PRH1: variants seen among roughly 807,000 people sequenced by gnomAD.
The protein encoded by PRH1 is salivary acidic proline-rich phosphoprotein 1/2.
PRH1 carries 7 observed loss-of-function variants against 7.9 expected under a neutral mutation model. The ratio of observed to expected loss-of-function variants is 0.89; its 90% CI spans 0.50 to 1.67. The LOEUF is 1.67. Ranked by LOEUF, PRH1 falls within the 40% of genes most tolerant of loss-of-function variation. PRH1 has a pLI of 0.00. For missense variants in PRH1, 109 were observed against 223.6 expected, an observed-to-expected ratio of 0.49 and a Z score of 3.27; for synonymous variants, 45 against 80.8, an observed-to-expected ratio of 0.56 and a Z score of 2.38.
chr12:11,064,008 C>T (rs1387250804), intron 1 of PRH1, among the ~76,000 whole-genome samples: 1 of 151,886 alleles, frequency 6.6e-6, no homozygotes. Context: ...TGAACCAAAA[C>T]AAAAATGGGA....
intron 1 of PRH1, among the ~76,000 whole-genome samples, chr12:11,083,786 A>G (rs954539011): frequency 1.4e-5 from 2 of 147,838 alleles, no homozygotes; most frequent in Admixed American, 6.8e-5. Context: ...CAATTTATTA[A>G]AAATATATTT....
chr12:11,001,300 T>A (rs555987016), intron 1 of PRH1, among the ~76,000 whole-genome samples: 1 of 152,284 alleles, frequency 6.6e-6, no homozygotes, highest in South Asian at 2.1e-4. Context: ...GCTACACCAT[T>A]CTATTTTACA....
At chr12:11,028,905 T>C (rs1942044631) in intron 1 of PRH1, among the ~76,000 whole-genome samples, 3 of 152,258 alleles carry the variant, frequency 2.0e-5, no homozygotes, top group Non-Finnish European at 2.9e-5. Flanking sequence ...AACAGGGGAA[T>C]TCATGCAACT....
chr12:10,930,710 C>G (rs759039838), intron 2 of PRH1: 4 of 1,613,838 alleles, frequency 2.5e-6, no homozygotes, highest in Non-Finnish European at 3.4e-6. Context: ...CAGGGACCAC[C>G]TTTGGGAGGA....
At chr12:11,108,288 T>C (rs976425952) in intron 1 of PRH1, among the ~76,000 whole-genome samples, 7 of 151,988 alleles carry the variant, frequency 4.6e-5, no homozygotes, top group African/African-American at 1.7e-4. Context: ...CAGACTAATA[T>C]AACACTGTAA....
chr12:10,911,258 C>G (rs533022326), intron 2 of PRH1, among the ~76,000 whole-genome samples: 2 of 152,214 alleles, frequency 1.3e-5, no homozygotes, highest in African/African-American at 4.8e-5. Flanking sequence ...ACTGTACTTG[C>G]TGGTATATGA....
intron 2 of PRH1, among the ~76,000 whole-genome samples, chr12:10,916,919 TAAAA>T (rs879795234): frequency 0.015 from 2,212 of 151,260 alleles, 18 homozygotes; most frequent in South Asian, 0.029. Flanking sequence ...TAAAATAAAA[TAAAA>T]AAAATAGCTG....
At chr12:11,083,239 G>T (rs80260552) in intron 1 of PRH1, among the ~76,000 whole-genome samples, 29,736 of 63,670 alleles carry the variant, frequency 0.47, 8,616 homozygotes, top group Non-Finnish European at 0.63. Context: ...AAATTGGAAA[G>T]AAGAAAAAAG....
intron 1 of PRH1, among the ~76,000 whole-genome samples, chr12:10,983,739 C>T (rs917543172): frequency 2.0e-5 from 3 of 152,198 alleles, no homozygotes; most frequent in South Asian, 2.1e-4. Flanking sequence ...GTCAAGTCCA[C>T]GCATCTGATG....
intron 1 of PRH1, among the ~76,000 whole-genome samples, chr12:11,106,974 T>C (rs766027018): frequency 2.6e-5 from 4 of 152,204 alleles, no homozygotes; most frequent in Non-Finnish European, 5.9e-5. Context: ...CGTGTGTTAC[T>C]TGATACATAA....
chr12:10,889,476 A>T (rs1332369947), intron 2 of PRH1, among the ~76,000 whole-genome samples: 1 of 152,046 alleles, frequency 6.6e-6, no homozygotes, highest in Non-Finnish European at 1.5e-5. Context: ...TGGACAATGA[A>T]TTTTCCTGGA....
At chr12:10,994,078 T>C (rs1591782228) in intron 1 of PRH1, among the ~76,000 whole-genome samples, 1 of 152,308 alleles carries the variant, frequency 6.6e-6, no homozygotes, top group South Asian at 2.1e-4. Context: ...TTGGAGGGCA[T>C]GAGCACATCT....
upstream of PRH1, among the ~76,000 whole-genome samples, chr12:10,887,162 A>C (rs1187535023): frequency 1.3e-5 from 2 of 152,220 alleles, no homozygotes; most frequent in African/African-American, 4.8e-5. Flanking sequence ...CAGAAAGTAG[A>C]ATCTTCTTCG....
At chr12:11,080,769 T>C (rs1944471424) in intron 1 of PRH1, among the ~76,000 whole-genome samples, 1 of 61,786 alleles carries the variant, frequency 1.6e-5, no homozygotes, top group Non-Finnish European at 4.1e-5. Context: ...ATCTGAAAAA[T>C]ATCATTTTCA....
downstream of PRH1, among the ~76,000 whole-genome samples, chr12:11,116,558 C>T (rs1459108368): frequency 6.6e-6 from 1 of 152,042 alleles, no homozygotes; most frequent in African/African-American, 2.4e-5. Flanking sequence ...AGAGGGAATA[C>T]TTCCAGGCTC....
At position 11,142,002 on chromosome 12, in the gene PRH1, A is replaced by G. The variant is rs370658793; in HGVS notation, n.40-20822T>C. ...GACAAAGAGTCTCCCTATGTTGCCC[A>G]GTCTGGTCTTCAACTCATGTGCTCA... On this transcript the variant is annotated intron_variant and non_coding_transcript_variant, in intron 1 of 1. Transcript: ENST00000541175. 4.0e-4 allele frequency among the ~76,000 whole-genome samples: 61 copies of G among 152,206 alleles called. 2 individuals are homozygous for G. In the South Asian group the frequency reaches 0.012, roughly 31 times the overall value.
At chr12:11,009,222 G>A (rs1246389227) in intron 1 of PRH1, among the ~76,000 whole-genome samples, 3 of 151,780 alleles carry the variant, frequency 2.0e-5, no homozygotes, top group African/African-American at 7.3e-5. Context: ...CTGAAGATAT[G>A]ATTCCATTGA....
intron 1 of PRH1, among the ~76,000 whole-genome samples, chr12:11,014,290 G>A (rs929097826): frequency 3.3e-5 from 5 of 152,234 alleles, no homozygotes; most frequent in African/African-American, 1.2e-4. Flanking sequence ...ACTAGCAAAG[G>A]AGATTGAGAA....
At chr12:11,136,769 C>T (rs916648752) in intron 1 of PRH1, among the ~76,000 whole-genome samples, 14 of 152,096 alleles carry the variant, frequency 9.2e-5, no homozygotes, top group Non-Finnish European at 1.9e-4. Context: ...GTGGCTCACA[C>T]CCATAATCCC....
Sources: allele counts gnomAD v4.1 joint callset (sites outside exome capture counted in the v4.1 genomes callset), GRCh38; gene constraint gnomAD v4.1.1; transcripts MANE v1.5; gene names NCBI Gene and HGNC (gene_info 2026-07-23, HGNC 2026-07-21).